Variants in NDST3 observed in about 807,000 individuals in gnomAD.
NDST3 encodes bifunctional heparan sulfate N-deacetylase/N-sulfotransferase 3.
Under a neutral mutation model 96.1 loss-of-function variants are expected in NDST3, and 58 were observed. The ratio of observed to expected loss-of-function variants is 0.60; its 90% CI spans 0.49 to 0.75. NDST3 has a LOEUF of 0.75. NDST3 is among the 30% of genes least tolerant of loss of function. The pLI is 0.00. For missense variants in NDST3, 788 were observed against 1,034.2 expected, an observed-to-expected ratio of 0.76 and a Z score of 3.27; for synonymous variants, 333 against 359.7, an observed-to-expected ratio of 0.93 and a Z score of 0.84.
At chr4:118,154,467 T>C (rs1394365879) in intron 6 of NDST3, among the ~76,000 whole-genome samples, 1 of 152,210 alleles carries the variant, frequency 6.6e-6, no homozygotes, top group East Asian at 1.9e-4. Flanking sequence ...CTTTAAGGTA[T>C]ATCCAAATGT....
chr4:118,096,552 A>G (rs1467176841), intron 2 of NDST3, among the ~76,000 whole-genome samples: 1 of 151,920 alleles, frequency 6.6e-6, no homozygotes, highest in East Asian at 1.9e-4. Flanking sequence ...TTTCTAACCC[A>G]AACTACCCTA....
chr4:118,160,123 A>G (rs967616247), intron 6 of NDST3, among the ~76,000 whole-genome samples: 1 of 152,194 alleles, frequency 6.6e-6, no homozygotes, highest in Non-Finnish European at 1.5e-5. Flanking sequence ...AGGTTATAAT[A>G]AAAATGCCAA....
chr4:118,084,378 G>A (rs942745993), intron 2 of NDST3, among the ~76,000 whole-genome samples: 6 of 152,042 alleles, frequency 3.9e-5, no homozygotes, highest in South Asian at 2.1e-4. Context: ...TAGTATCCAC[G>A]ATGTGTTAGG....
At position 118,054,354 on chromosome 4, in the gene NDST3, C is replaced by A. The variant is rs762091929; in HGVS notation, c.444C>A (p.Ser148Arg). Reference protein sequence around the residue: ...KYINMDSWNRSLLDKYCVEYG... With the variant: ...KYINMDSWNRRLLDKYCVEYG... ...TAAATATGGATTCCTGGAATCGAAGCCTTCTAGATAAATACTGTGTAGAAT... is the reference window on the plus strand; with the variant it reads ...TAAATATGGATTCCTGGAATCGAAGACTTCTAGATAAATACTGTGTAGAAT... The change falls in exon 2 of 14, where the codon AGC (serine) becomes AGA (arginine). Residue 148 changes from serine to arginine, a missense_variant. This residue lies in a region of NDST3 where 234 missense variants were observed against 256.9 expected (regional missense o/e 0.91). Transcript: ENST00000296499. 11 of 1,612,308 alleles carry A rather than the reference C, an allele frequency of 6.8e-6. No individual in the cohort carries two copies. The East Asian group carries it at 1.8e-4, about 26-fold the overall frequency.
At chr4:118,229,277 G>C (rs1191409576) in intron 8 of NDST3, among the ~76,000 whole-genome samples, 1 of 152,184 alleles carries the variant, frequency 6.6e-6, no homozygotes, top group Non-Finnish European at 1.5e-5. Context: ...CTCCAGCCTG[G>C]ACAACAGAGT....
chr4:118,240,807 T>C (rs1740960663), intron 11 of NDST3, 113 bp downstream of exon 11: 1 of 978,730 alleles, frequency 1.0e-6, no homozygotes, highest in Non-Finnish European at 1.5e-6. Context: ...TCCTCTTTAG[T>C]TGTAAATAAT....
chr4:118,139,385 A>T (rs1374716481), intron 5 of NDST3, among the ~76,000 whole-genome samples: 2 of 152,234 alleles, frequency 1.3e-5, no homozygotes, highest in African/African-American at 4.8e-5. Context: ...GTTTTGATGG[A>T]ACTGTCCCTG....
chr4:118,135,871 C>T lies in NDST3; in HGVS notation c.1225-2183C>T, dbSNP rs1198662757. Among the ~76,000 whole-genome samples the T allele has an allele frequency of 2.0e-5, 3 of 151,886 alleles. No homozygotes were observed. In the East Asian group the frequency reaches 5.8e-4, roughly 29 times the overall value. ...ACCAGCCTGGGAAACAGTGAGATCC[C>T]GTCTCAATAAATTAACTAATTAATT... On this transcript the variant is annotated intron_variant, in intron 4 of 13. Coordinates refer to ENST00000296499, the MANE Select transcript of NDST3 (RefSeq NM_004784.3).
chr4:118,114,869 T>C lies in NDST3; in HGVS notation c.1133T>C (p.Phe378Ser). ...GGGTCTGTGGATGAGTTCTGGTGGTTTCCTCACATGTGGAGCCATATGCAG... is the reference window on the plus strand; with the variant it reads ...GGGTCTGTGGATGAGTTCTGGTGGTCTCCTCACATGTGGAGCCATATGCAG... ...LLGSVDEFWW[F>S]PHMWSHMQPH... The change falls in exon 4 of 14, where the codon TTT (phenylalanine) becomes TCT (serine). Residue 378 changes from phenylalanine to serine, a missense_variant. This residue lies in a region of NDST3 where 490 missense variants were observed against 708.8 expected (regional missense o/e 0.69). Transcript: ENST00000296499. 6.2e-7 allele frequency: 1 copy of C among 1,614,084 alleles called. No individual in the cohort carries two copies. The highest frequency in any genetic ancestry group is 1.1e-5 in the South Asian group (1 of 91,074).
intron 6 of NDST3, among the ~76,000 whole-genome samples, chr4:118,187,765 T>A (rs28886020): frequency 0.012 from 1,799 of 152,288 alleles, 30 homozygotes; most frequent in African/African-American, 0.041. Flanking sequence ...GCCATCTTCT[T>A]GGGGAGAAAC....
intron 4 of NDST3, among the ~76,000 whole-genome samples, chr4:118,118,973 T>A (rs1197434336): frequency 6.6e-6 from 1 of 152,212 alleles, no homozygotes; most frequent in Non-Finnish European, 1.5e-5. Flanking sequence ...AAATTTTTAA[T>A]GATAAAATAG....
chr4:118,167,407 A>G (rs1363447938), intron 6 of NDST3, among the ~76,000 whole-genome samples: 1 of 152,036 alleles, frequency 6.6e-6, no homozygotes, highest in Non-Finnish European at 1.5e-5. Flanking sequence ...AAAAGAAATT[A>G]AAGAAGATAC....
At chr4:118,150,871 G>A (rs1386020952) in intron 6 of NDST3, among the ~76,000 whole-genome samples, 1 of 152,060 alleles carries the variant, frequency 6.6e-6, no homozygotes, top group Non-Finnish European at 1.5e-5. Flanking sequence ...ATTTGACCCA[G>A]CCATCCCATT....
At chr4:118,153,203 G>C (rs993444590) in intron 6 of NDST3, among the ~76,000 whole-genome samples, 1 of 152,160 alleles carries the variant, frequency 6.6e-6, no homozygotes, top group African/African-American at 2.4e-5. Context: ...CAAAGTCTAA[G>C]TAGAATAAGT....
At chr4:118,228,026 T>A (rs2389567) in intron 8 of NDST3, among the ~76,000 whole-genome samples, 41,862 of 152,022 alleles carry the variant, frequency 0.28, 6,139 homozygotes, top group East Asian at 0.52. Context: ...CCTTGGTTAC[T>A]GGCTTCACAG....
Position 118,172,596 on chromosome 4 carries a change from G to T in NDST3, c.1539+28912G>T, listed in dbSNP as rs538242961. On this transcript the variant is annotated intron_variant, in intron 6 of 13. Coordinates refer to ENST00000296499, the MANE Select transcript of NDST3 (RefSeq NM_004784.3). ...CAAAATGTCATTAAAATAACAAAAAGATATGGATCTTTGAATGTTGAGGAT... is the reference window on the plus strand; with the variant it reads ...CAAAATGTCATTAAAATAACAAAAATATATGGATCTTTGAATGTTGAGGAT... 4.7e-4 allele frequency among the ~76,000 whole-genome samples: 71 copies of T among 152,122 alleles called. No individual in the cohort carries two copies. In the Middle Eastern group the frequency reaches 0.014, roughly 29 times the overall value.
chr4:118,133,263 C>G (rs1356007512), intron 4 of NDST3, among the ~76,000 whole-genome samples: 1 of 152,176 alleles, frequency 6.6e-6, no homozygotes. Context: ...GCATAACTTC[C>G]CCTTGGCTAA....
chr4:118,250,801 C>G (rs1240543220), intron 12 of NDST3, among the ~76,000 whole-genome samples: 1 of 152,026 alleles, frequency 6.6e-6, no homozygotes, highest in South Asian at 2.1e-4. Flanking sequence ...ATCTTTTATG[C>G]AGTTTTTATT....
intron 10 of NDST3, among the ~76,000 whole-genome samples, chr4:118,238,167 G>GA (rs1178924102): frequency 3.0e-5 from 1 of 33,476 alleles, no homozygotes; most frequent in Non-Finnish European, 5.8e-5. Context: ...AAGAAAGAAA[G>GA]AAAGAAAGAA....
Sources: allele counts gnomAD v4.1 joint callset (sites outside exome capture counted in the v4.1 genomes callset), GRCh38; gene constraint gnomAD v4.1.1; regional missense constraint gnomAD v4.1.1; transcripts MANE v1.5; gene names NCBI Gene and HGNC (gene_info 2026-07-23, HGNC 2026-07-21).